The following DNAJC6 variants were observed in gnomAD, a reference collection of about 807,000 sequenced individuals.
DNAJC6 encodes auxilin.
Under a neutral mutation model 110.0 loss-of-function variants are expected in DNAJC6, and 34 were observed. The observed-to-expected ratio is 0.31, with a 90% CI of 0.24 to 0.41. The LOEUF (loss-of-function observed/expected upper bound fraction) is 0.41. DNAJC6 is among the 10% of genes least tolerant of loss of function. DNAJC6 has a pLI of 1.00. For synonymous variants in DNAJC6, 406 were observed against 437.2 expected, an observed-to-expected ratio of 0.93 and a Z score of 0.89; for missense variants, 1,031 against 1,207.8, an observed-to-expected ratio of 0.85 and a Z score of 2.17.
At chr1:65,306,972 TTCTCTCTCTCTCTCTCTCTCTCTCTCTC>T (rs144458447), upstream of DNAJC6, among the ~76,000 whole-genome samples, 12 of 90,392 alleles carry the variant, frequency 1.3e-4, no homozygotes, top group Admixed American at 3.6e-4. Flanking sequence ...CTCAATCTGT[TTCTCTCTCTCTCTCTCTCTCTCTCTCTC>T]TCTCTCTCTC....
intron 4 of DNAJC6, among the ~76,000 whole-genome samples, chr1:65,368,480 CTCCTTCCT>C (rs1316971620): frequency 1.3e-5 from 2 of 151,714 alleles, no homozygotes; most frequent in African/African-American, 4.8e-5. Flanking sequence ...CACCCTTCGT[CTCCTTCCT>C]TCCTTCCTTC....
intron 1 of DNAJC6, among the ~76,000 whole-genome samples, chr1:65,274,252 A>C (rs911678974): frequency 2.6e-5 from 4 of 152,026 alleles, no homozygotes; most frequent in Non-Finnish European, 4.4e-5. Context: ...AGCTATACCA[A>C]CTTTCTTTGT....
At chr1:65,380,890 G>GTTTTTTTTGTTTTGTTTT (rs1557551919) in intron 5 of DNAJC6, among the ~76,000 whole-genome samples, 3 of 118,788 alleles carry the variant, frequency 2.5e-5, no homozygotes, top group Admixed American at 8.0e-5. Context: ...GGGGGAGGGA[G>GTTTTTTTTGTTTTGTTTT]TTTTTTTTTT....
At chr1:65,410,948 A>C (rs1428514678) in intron 17 of DNAJC6, among the ~76,000 whole-genome samples, 1 of 152,178 alleles carries the variant, frequency 6.6e-6, no homozygotes, top group African/African-American at 2.4e-5. Context: ...ATCTACCCTC[A>C]TGGAGTTTAT....
chr1:65,392,573 G>A lies in DNAJC6; in HGVS notation c.1611G>A (p.Lys537=). ...GTGACAAGCCTCATGGAGTCAAGAA[G>A]CCCAGCAAAAAGCAGCAGGAGCCAG... ...ANGDKPHGVK[K]PSKKQQEPAA... is the part of the protein sequence containing the mutation. Residue 537 remains lysine (K), a synonymous_variant, in exon 12 of 19, where the codon AAG becomes AAA. Transcript: ENST00000371069. 6.2e-7 allele frequency: 1 copy of A among 1,614,096 alleles called. No homozygotes were observed. Among genetic ancestry groups the A allele is most frequent in the Non-Finnish European group, 8.5e-7 (1 of 1,179,992 alleles).
At chr1:65,285,140 C>G (rs1196063708) in intron 1 of DNAJC6, among the ~76,000 whole-genome samples, 1 of 152,168 alleles carries the variant, frequency 6.6e-6, no homozygotes, top group African/African-American at 2.4e-5. Context: ...TTCATCTTTA[C>G]AAACTCTGAT....
At chr1:65,319,555 TA>T (rs1645178720) in intron 1 of DNAJC6, among the ~76,000 whole-genome samples, 1 of 151,836 alleles carries the variant, frequency 6.6e-6, no homozygotes, top group African/African-American at 2.4e-5. Context: ...ACAGCAAGAA[TA>T]ATCAAACACC....
At chr1:65,398,483 C>T (rs1293282508) in intron 13 of DNAJC6, among the ~76,000 whole-genome samples, 1 of 152,118 alleles carries the variant, frequency 6.6e-6, no homozygotes, top group Non-Finnish European at 1.5e-5. Context: ...TTCCTGACTT[C>T]GAGGGACTGA....
chr1:65,316,200 C>A (rs965575784), intron 1 of DNAJC6, among the ~76,000 whole-genome samples: 1 of 152,126 alleles, frequency 6.6e-6, no homozygotes, highest in African/African-American at 2.4e-5. Context: ...GAAAGCTGGC[C>A]CAACAAAACT....
At chr1:65,340,417 C>T (rs1042472779) in intron 1 of DNAJC6, among the ~76,000 whole-genome samples, 2 of 152,294 alleles carry the variant, frequency 1.3e-5, no homozygotes, top group African/African-American at 4.8e-5. Flanking sequence ...TCTTTGGGCC[C>T]TTCCATAGCT....
chr1:65,299,579 C>G (rs1644958605), intron 1 of DNAJC6, among the ~76,000 whole-genome samples: 1 of 152,152 alleles, frequency 6.6e-6, no homozygotes, highest in African/African-American at 2.4e-5. Flanking sequence ...ATTCATTGAA[C>G]CCTCACTATA....
intron 1 of DNAJC6, among the ~76,000 whole-genome samples, chr1:65,282,992 A>G (rs1158190898): frequency 6.6e-6 from 1 of 152,224 alleles, no homozygotes; most frequent in Non-Finnish European, 1.5e-5. Flanking sequence ...TGAAATAATC[A>G]TAGATTTGTC....
chr1:65,408,590 C>T (rs1646098747), intron 16 of DNAJC6, 51 bp from the exon 17 acceptor site: 2 of 1,581,556 alleles, frequency 1.3e-6, no homozygotes, highest in African/African-American at 2.7e-5. Flanking sequence ...AATGATACAG[C>T]ATTATGTTTA....
chr1:65,397,902 C>G (rs371596873), intron 13 of DNAJC6, among the ~76,000 whole-genome samples: 2 of 152,000 alleles, frequency 1.3e-5, no homozygotes, highest in African/African-American at 2.4e-5. Flanking sequence ...AATCTTGATG[C>G]CTTCTGGTGG....
intron 1 of DNAJC6, among the ~76,000 whole-genome samples, chr1:65,322,421 A>G (rs1460567285): frequency 6.6e-6 from 1 of 152,222 alleles, no homozygotes; most frequent in Non-Finnish European, 1.5e-5. Context: ...GAATCCATCT[A>G]TACATGCTAT....
chr1:65,322,513 C>A (rs549195796), intron 1 of DNAJC6, among the ~76,000 whole-genome samples: 1 of 152,050 alleles, frequency 6.6e-6, no homozygotes, highest in Non-Finnish European at 1.5e-5. Flanking sequence ...TTTTCTCTAA[C>A]GATTGTTTTA....
intron 16 of DNAJC6, among the ~76,000 whole-genome samples, chr1:65,406,477 A>G (rs1646077791): frequency 6.6e-6 from 1 of 152,192 alleles, no homozygotes; most frequent in Non-Finnish European, 1.5e-5. Flanking sequence ...TAGGCACTAA[A>G]TGAATGTTGA....
intron 1 of DNAJC6, among the ~76,000 whole-genome samples, chr1:65,302,712 T>C (rs527365388): frequency 6.6e-6 from 1 of 151,078 alleles, no homozygotes; most frequent in East Asian, 1.9e-4. Context: ...ATTTTTTGTA[T>C]TTTTAGTAGA....
intron 1 of DNAJC6, among the ~76,000 whole-genome samples, chr1:65,356,030 C>A (rs1645540420): frequency 6.6e-6 from 1 of 151,856 alleles, no homozygotes; most frequent in African/African-American, 2.4e-5. Flanking sequence ...ACTATATATC[C>A]AGCTAATAGC....
Sources: allele counts gnomAD v4.1 joint callset (sites outside exome capture counted in the v4.1 genomes callset), GRCh38; gene constraint gnomAD v4.1.1; transcripts MANE v1.5; gene names NCBI Gene and HGNC (gene_info 2026-07-23, HGNC 2026-07-21).